MEMO1: variants seen among roughly 807,000 people sequenced by gnomAD.
The protein encoded by MEMO1 is protein MEMO1.
MEMO1 carries 6 observed loss-of-function variants against 45.2 expected under a neutral mutation model. The ratio of observed to expected loss-of-function variants is 0.13; its 90% CI spans 0.07 to 0.26. The LOEUF (loss-of-function observed/expected upper bound fraction) is 0.26. Ranked by LOEUF, MEMO1 falls within the 10% of genes least tolerant of loss-of-function variation. The pLI is 1.00. For missense variants in MEMO1, 184 were observed against 370.5 expected, an observed-to-expected ratio of 0.50 and a Z score of 4.13; for synonymous variants, 78 against 124.3, an observed-to-expected ratio of 0.63 and a Z score of 2.48.
intron 4 of MEMO1, among the ~76,000 whole-genome samples, chr2:31,928,306 G>A (rs1346902750): frequency 6.6e-6 from 1 of 152,194 alleles, no homozygotes; most frequent in East Asian, 1.9e-4. Context: ...ACTTTGGGAG[G>A]CCAAGGCAGG....
chr2:31,994,129 T>C (rs1672285092), intron 2 of MEMO1, among the ~76,000 whole-genome samples: 2 of 149,138 alleles, frequency 1.3e-5, no homozygotes, highest in Admixed American at 1.3e-4. Flanking sequence ...CCTGGCTAAT[T>C]TTTGTATTTT....
At chr2:31,923,655 GAA>G in intron 4 of MEMO1, 1 of 1,547,624 alleles carries the variant, frequency 6.5e-7, no homozygotes, top group Admixed American at 2.0e-5. Context: ...CAAATAATGA[GAA>G]AGGGCATTTT....
intron 6 of MEMO1, among the ~76,000 whole-genome samples, chr2:31,909,766 A>C (rs1380155782): frequency 6.6e-6 from 1 of 152,188 alleles, no homozygotes; most frequent in African/African-American, 2.4e-5. Context: ...AAATCCTAAA[A>C]TTTATAAAAG....
intron 2 of MEMO1, among the ~76,000 whole-genome samples, chr2:32,004,822 G>A (rs1439719872): frequency 1.3e-5 from 2 of 151,780 alleles, no homozygotes. Flanking sequence ...AGCTACTCGG[G>A]ATGCTGAGGC....
At chr2:31,982,990 G>A (rs997249779) in intron 2 of MEMO1, among the ~76,000 whole-genome samples, 6 of 151,980 alleles carry the variant, frequency 3.9e-5, no homozygotes, top group Non-Finnish European at 7.4e-5. Context: ...TGTAATCCCA[G>A]CACTTTGGGA....
At chr2:31,936,405 C>A (rs930334737) in intron 3 of MEMO1, among the ~76,000 whole-genome samples, 2 of 152,190 alleles carry the variant, frequency 1.3e-5, no homozygotes, top group African/African-American at 4.8e-5. Flanking sequence ...AACATTTTAT[C>A]AAGCTAAAAC....
intron 2 of MEMO1, among the ~76,000 whole-genome samples, chr2:31,999,323 G>A (rs956403525): frequency 6.6e-6 from 1 of 152,072 alleles, no homozygotes; most frequent in Non-Finnish European, 1.5e-5. Context: ...ATTAGATCAT[G>A]CCATCAACTG....
rs200462854 is a variant in MEMO1 at position 31,932,111 on chromosome 2, C to A, written c.168G>T (p.Gly56=). ...IAPHAGYTYC[G]SCAAHAYKQV... ...GTTTATAAGCATGGGCAGCACAAGA[C>A]CCACAGTACGTATATCCTGCATGGC... Residue 56 remains glycine (G), a synonymous_variant, in exon 4 of 10, where the codon GGG becomes GGT. Coordinates refer to ENST00000404530, the MANE Select transcript of MEMO1 (RefSeq NM_001301833.4). The A allele has an allele frequency of 7.4e-6, 12 of 1,613,650 alleles. No individual in the cohort carries two copies. The East Asian group carries it at 2.7e-4, about 36-fold the overall frequency.
chr2:31,986,898 A>G (rs1171782862), intron 2 of MEMO1, among the ~76,000 whole-genome samples: 1 of 152,250 alleles, frequency 6.6e-6, no homozygotes, highest in Non-Finnish European at 1.5e-5. Context: ...AAAGTCAAGA[A>G]AAGAGCTGGG....
At chr2:31,904,383 C>T (rs375764083) in intron 6 of MEMO1, among the ~76,000 whole-genome samples, 22 of 152,190 alleles carry the variant, frequency 1.4e-4, no homozygotes, top group Non-Finnish European at 2.5e-4. Context: ...CTGTGGCTAG[C>T]TACACAGGCA....
chr2:31,882,772 A>T (rs1675607218), intron 8 of MEMO1, among the ~76,000 whole-genome samples: 1 of 152,134 alleles, frequency 6.6e-6, no homozygotes. Context: ...AAGGGGCAAT[A>T]ATTTAAAAAA....
intron 2 of MEMO1, among the ~76,000 whole-genome samples, chr2:31,958,612 C>A (rs1243327835): frequency 6.6e-6 from 1 of 152,088 alleles, no homozygotes; most frequent in East Asian, 1.9e-4. Context: ...GTAAAAGCCA[C>A]CATCCTCCAA....
In MEMO1 at chr2:31,999,621, G is replaced by T. The variant is rs962304734; in HGVS notation, c.61+10566C>A. Among the ~76,000 whole-genome samples the T allele has an allele frequency of 4.9e-4, 75 of 152,240 alleles. 1 individual carries two copies. Among genetic ancestry groups the T allele is most frequent in the African/African-American group, 7.2e-5 (3 of 41,556 alleles). On this transcript the variant is annotated intron_variant, in intron 2 of 9. Coordinates refer to ENST00000404530, the MANE Select transcript of MEMO1 (RefSeq NM_001301833.4). ...GGAGGTTAAGGTTTCAATGAGCTATGATTGCACCACTGCACTCTAGCCTGG... is the reference window on the plus strand; with the variant it reads ...GGAGGTTAAGGTTTCAATGAGCTATTATTGCACCACTGCACTCTAGCCTGG...
At chr2:32,005,063 C>T (rs1433051505) in intron 2 of MEMO1, among the ~76,000 whole-genome samples, 1 of 151,816 alleles carries the variant, frequency 6.6e-6, no homozygotes, top group Admixed American at 6.6e-5. Flanking sequence ...ACTAAAAAAC[C>T]CACATGTCCA....
chr2:31,959,786 T>G (rs1378893269), intron 2 of MEMO1, among the ~76,000 whole-genome samples: 1 of 348 alleles, frequency 2.9e-3, no homozygotes, highest in African/African-American at 3.4e-3. Context: ...AGCAATTGTA[T>G]TTTTTATACC....
intron 6 of MEMO1, among the ~76,000 whole-genome samples, chr2:31,913,464 T>C (rs890047701): frequency 2.7e-5 from 4 of 149,776 alleles, no homozygotes; most frequent in Admixed American, 6.7e-5. Context: ...AATGAGTTCA[T>C]GACAAGAAAA....
chr2:32,008,851 G>A (rs1674431559), intron 2 of MEMO1, among the ~76,000 whole-genome samples: 1 of 152,100 alleles, frequency 6.6e-6, no homozygotes, highest in Non-Finnish European at 1.5e-5. Context: ...TTTCAGTAAG[G>A]TACATGTATT....
intron 2 of MEMO1, among the ~76,000 whole-genome samples, chr2:31,997,923 G>T (rs905393536): frequency 6.6e-6 from 1 of 152,206 alleles, no homozygotes; most frequent in Non-Finnish European, 1.5e-5. Flanking sequence ...TGGCTAAGAC[G>T]AGAATGGCTT....
At chr2:31,868,804 A>G (rs1431840532) in intron 9 of MEMO1, among the ~76,000 whole-genome samples, 1 of 152,162 alleles carries the variant, frequency 6.6e-6, no homozygotes, top group Non-Finnish European at 1.5e-5. Context: ...TTTACCGTAT[A>G]AACCAAATCC....
Sources: allele counts gnomAD v4.1 joint callset (sites outside exome capture counted in the v4.1 genomes callset), GRCh38; gene constraint gnomAD v4.1.1; transcripts MANE v1.5; gene names NCBI Gene and HGNC (gene_info 2026-07-23, HGNC 2026-07-21).